Variants in KCNJ16 observed in about 807,000 individuals in gnomAD.
The protein encoded by KCNJ16 is potassium inwardly rectifying channel subfamily J member 16.
A neutral mutation model predicts 18.5 loss-of-function variants in KCNJ16; 15 were observed. The observed-to-expected ratio is 0.81, with a 90% CI of 0.54 to 1.25. The LOEUF (loss-of-function observed/expected upper bound fraction) is 1.25, where lower values mean the gene tolerates loss of function less well. Among genes scored for constraint, KCNJ16 ranks in the 50% most tolerant of loss-of-function variants. The pLI, the probability that KCNJ16 is intolerant of heterozygous loss-of-function variation, is 0.00. For synonymous variants in KCNJ16, 174 were observed against 186.5 expected (o/e 0.93, Z 0.55); for missense variants, 523 against 525.7 (o/e 0.99, Z 0.05).
rs1324917369 is a variant in KCNJ16, at chr17:70,092,787, C to T, written c.-299-7871C>T. On this transcript the variant is annotated intron_variant, in intron 1 of 3. Transcript: ENST00000392671. ...TATTTAAAGTCCAAAGGTCCAAAAA[C>T]CTGAAGCTCTGATGGCTGAGGGAAG... 2.0e-5 allele frequency among the ~76,000 whole-genome samples: 3 copies of T among 152,220 alleles called. No individual in the cohort carries two copies. The East Asian group carries it at 5.8e-4, about 29-fold the overall frequency.
Position 70,134,879 on chromosome 17 carries a change from A to G in KCNJ16, c.*1535A>G, listed in dbSNP as rs990545441. On this transcript the variant is annotated 3_prime_UTR_variant, in exon 4 of 4. Transcript: ENST00000392671. The stretch of plus-strand genomic sequence containing the variant: ...AATTACATAGTCCAAGATTAGAAAT[A>G]CAAGTAAAATATATAGGTATAGGTA... The G allele has an allele frequency of 6.0e-6, 1 of 167,040 alleles. No individual in the cohort carries two copies. Among genetic ancestry groups the G allele is most frequent in the Admixed American group, 6.5e-5 (1 of 15,284 alleles). 10.3% of individuals were successfully genotyped at this position (167,040 alleles called of 1,614,324 possible).
chr17:70,123,762 C>T (rs1467160236), intron 2 of KCNJ16, among the ~76,000 whole-genome samples: 1 of 152,058 alleles, frequency 6.6e-6, no homozygotes, highest in East Asian at 1.9e-4. Flanking sequence ...CATATTCCTG[C>T]CCTTTGACTA....
At chr17:70,115,448 T>G (rs750273614) in intron 2 of KCNJ16, among the ~76,000 whole-genome samples, 13 of 152,134 alleles carry the variant, frequency 8.5e-5, no homozygotes, top group Non-Finnish European at 1.8e-4. Flanking sequence ...GTTTTGTACA[T>G]CTAGCAATAG....
rs375277189 is a variant in KCNJ16, at chr17:70,094,882, G to A, written c.-299-5776G>A. Among the ~76,000 whole-genome samples the A allele has an allele frequency of 1.6e-4, 25 of 152,258 alleles. 1 individual carries two copies. In the East Asian group the frequency reaches 4.1e-3, roughly 25 times the overall value. Reference sequence around the variant, plus strand: ...TCTCCAAATCCTATCTTGCAAGGCCGTAGAATTTGTCCACAGAAAATCATC... The same window carrying A: ...TCTCCAAATCCTATCTTGCAAGGCCATAGAATTTGTCCACAGAAAATCATC... On this transcript the variant is annotated intron_variant, in intron 1 of 3. Coordinates refer to ENST00000392671, the MANE Select transcript of KCNJ16 (RefSeq NM_170741.4).
rs576846668 is a variant in KCNJ16, at chr17:70,105,445, T to C, written c.-191+4679T>C. ...TTTCATTTCCTGTGGAAAACAGTCA[T>C]TCATAAAACCATCTTTTTTGTATGT... On this transcript the variant is annotated intron_variant, in intron 2 of 3. Transcript: ENST00000392671. Among the ~76,000 whole-genome samples, 6 of 152,322 alleles carry C rather than the reference T, an allele frequency of 3.9e-5. No homozygotes were observed. In the East Asian group the frequency reaches 1.2e-3, roughly 29 times the overall value.
rs957738229 is a variant in KCNJ16 at position 70,118,268 on chromosome 17, G to T, written c.-190-12611G>T. On this transcript the variant is annotated intron_variant, in intron 2 of 3. Coordinates refer to ENST00000392671, the MANE Select transcript of KCNJ16 (RefSeq NM_170741.4). The stretch of plus-strand genomic sequence containing the variant: ...ACACTGGGGCCTGTCGGGGGTTCGG[G>T]GGCTAGGGAAGGGATAGCATTAGGA... 3.9e-5 allele frequency among the ~76,000 whole-genome samples: 6 copies of T among 152,100 alleles called. No homozygotes were observed. The East Asian group carries it at 7.7e-4, about 20-fold the overall frequency.
At chr17:70,092,823 C>T (rs183484180) in intron 1 of KCNJ16, among the ~76,000 whole-genome samples, 10 of 152,230 alleles carry the variant, frequency 6.6e-5, no homozygotes, top group African/African-American at 2.4e-4. Context: ...AATATGGATG[C>T]CCCATCTCCA....
intron 2 of KCNJ16, among the ~76,000 whole-genome samples, chr17:70,109,659 TCA>T (rs1262356331): frequency 2.0e-5 from 3 of 152,152 alleles, no homozygotes; most frequent in Non-Finnish European, 4.4e-5. Context: ...TTCCGTCCTT[TCA>T]CAGTCATAGC....
At chr17:70,100,184 AC>A (rs2072561432) in intron 1 of KCNJ16, among the ~76,000 whole-genome samples, 1 of 152,208 alleles carries the variant, frequency 6.6e-6, no homozygotes, top group Non-Finnish European at 1.5e-5. Context: ...GCTGTACAGA[AC>A]AACTTAAAAT....
intron 2 of KCNJ16, among the ~76,000 whole-genome samples, chr17:70,127,767 T>G (rs2073905202): frequency 6.6e-6 from 1 of 152,164 alleles, no homozygotes; most frequent in African/African-American, 2.4e-5. Context: ...CATCTTATAG[T>G]TGTCAGGAAA....
intron 2 of KCNJ16, among the ~76,000 whole-genome samples, chr17:70,129,741 T>C (rs1345719431): frequency 1.3e-5 from 2 of 152,208 alleles, no homozygotes; most frequent in Non-Finnish European, 2.9e-5. Flanking sequence ...TATTCAACAA[T>C]ACATTTTCCA....
chr17:70,083,263 C>T (rs2071632803), intron 1 of KCNJ16, among the ~76,000 whole-genome samples: 1 of 148,284 alleles, frequency 6.7e-6, no homozygotes, highest in Non-Finnish European at 1.5e-5. Flanking sequence ...GAGGAGAAGT[C>T]CAAAACTGTG....
At chr17:70,095,663 T>C (rs997830428) in intron 1 of KCNJ16, among the ~76,000 whole-genome samples, 1 of 152,082 alleles carries the variant, frequency 6.6e-6, no homozygotes, top group African/African-American at 2.4e-5. Context: ...AGATGATCGT[T>C]GTTTATTTCC....
At chr17:70,107,006 G>A (rs2072963527) in intron 2 of KCNJ16, among the ~76,000 whole-genome samples, 1 of 152,100 alleles carries the variant, frequency 6.6e-6, no homozygotes, top group Non-Finnish European at 1.5e-5. Flanking sequence ...CATTGTTACA[G>A]TAGCTGCCTC....
At chr17:70,090,429 C>T (rs2072031134) in intron 1 of KCNJ16, among the ~76,000 whole-genome samples, 1 of 152,150 alleles carries the variant, frequency 6.6e-6, no homozygotes, top group Non-Finnish European at 1.5e-5. Context: ...ACTTTATTTT[C>T]CCAGGTACTT....
At position 70,132,000 on chromosome 17, in the gene KCNJ16, A is replaced by G; in HGVS notation, c.-88A>G. ...TTGTTGTTGTTGTTTTTTAGGTTCT[A>G]ACTGAAAACCCAAACCAAGAAATAG... On this transcript the variant is annotated 5_prime_UTR_variant, in exon 4 of 4. Transcript: ENST00000392671. 1.9e-6 allele frequency: 3 copies of G among 1,579,568 alleles called. No individual in the cohort carries two copies. The highest frequency in any genetic ancestry group is 1.3e-5 in the African/African-American group (1 of 74,202).
chr17:70,077,697 T>A, intron 1 of KCNJ16, among the ~76,000 whole-genome samples: 1 of 152,074 alleles, frequency 6.6e-6, no homozygotes. Context: ...GTTTGTTTGT[T>A]TTTTCTTGCA....
intron 1 of KCNJ16, among the ~76,000 whole-genome samples, chr17:70,091,027 C>T (rs1256005979): frequency 2.6e-5 from 4 of 152,102 alleles, no homozygotes; most frequent in African/African-American, 9.7e-5. Context: ...TCCCACTTTA[C>T]AAAAATGCCT....
intron 2 of KCNJ16, among the ~76,000 whole-genome samples, chr17:70,125,230 A>G (rs1598175838): frequency 6.6e-6 from 1 of 151,640 alleles, no homozygotes; most frequent in African/African-American, 2.4e-5. Context: ...GGATCATGCC[A>G]CTGCACTCCA....
Sources: gnomAD v4.1 joint callset for allele counts (sites outside exome capture counted in the v4.1 genomes callset) on GRCh38, gnomAD v4.1.1 for gene constraint, MANE v1.5 for transcripts, NCBI Gene and HGNC (gene_info 2026-07-23, HGNC 2026-07-21) for gene names.